The following SLC6A4 variants were observed in gnomAD, a reference collection of about 807,000 sequenced individuals.
The protein encoded by SLC6A4 is solute carrier family 6 member 4.
In SLC6A4, 22 loss-of-function variants were observed where a neutral mutation model predicts 73.4. The ratio of observed to expected loss-of-function variants is 0.30; its 90% CI spans 0.21 to 0.43. SLC6A4 has a LOEUF of 0.43. Ranked by LOEUF, SLC6A4 falls within the 20% of genes least tolerant of loss-of-function variation. The pLI is 1.00. For synonymous variants in SLC6A4, 270 were observed against 315.5 expected (o/e 0.86, Z 1.53); for missense variants, 593 against 808.5 (o/e 0.73, Z 3.23).
chr17:30,215,460 G>C (rs752597560), intron 8 of SLC6A4, 151 bp downstream of exon 8: 41 of 676,646 alleles, frequency 6.1e-5, no homozygotes, highest in Non-Finnish European at 1.0e-4. Context: ...TGGGTGAGCT[G>C]GTCAGGGGCC....
intron 8 of SLC6A4, among the ~76,000 whole-genome samples, chr17:30,214,634 C>CTTTTTTTTTTT (rs753290326): frequency 2.3e-5 from 3 of 132,360 alleles, no homozygotes; most frequent in Admixed American, 7.6e-5. Flanking sequence ...TTCTTTCTTT[C>CTTTTTTTTTTT]TTTTTTTTTT....
intron 1 of SLC6A4, among the ~76,000 whole-genome samples, chr17:30,225,796 C>G (rs1906907391): frequency 6.6e-6 from 1 of 152,194 alleles, no homozygotes; most frequent in South Asian, 2.1e-4. Context: ...TGCAGTTGAC[C>G]AGCCAATGGG....
chr17:30,198,360 T>C lies in SLC6A4; in HGVS notation c.*96A>G. Reference sequence around the variant, plus strand: ...AGGCCCTTCCATCATCAGGCTTAGCTGGAAACTCATTCACTTGGAGGGGAG... The same window carrying C: ...AGGCCCTTCCATCATCAGGCTTAGCCGGAAACTCATTCACTTGGAGGGGAG... On this transcript the variant is annotated 3_prime_UTR_variant, in exon 15 of 15. Transcript: ENST00000650711. The C allele has an allele frequency of 1.4e-6, 1 of 725,062 alleles. No homozygotes were observed. Among genetic ancestry groups the C allele is most frequent in the African/African-American group, 1.8e-5 (1 of 55,836 alleles). 44.9% of individuals were successfully genotyped at this position (725,062 alleles called of 1,614,324 possible).
chr17:30,203,121 A>G, intron 14 of SLC6A4, 51 bp downstream of exon 14: 1 of 1,449,684 alleles, frequency 6.9e-7, no homozygotes, highest in Non-Finnish European at 9.6e-7. Flanking sequence ...CTTTTCTCCC[A>G]AAACAATTAG....
intron 1 of SLC6A4, among the ~76,000 whole-genome samples, chr17:30,226,615 G>A (rs1906931390): frequency 6.6e-6 from 1 of 152,176 alleles, no homozygotes; most frequent in South Asian, 2.1e-4. Flanking sequence ...CAGGAGAATT[G>A]CCTGAACCCA....
chr17:30,199,734 G>A (rs539389696), intron 14 of SLC6A4, among the ~76,000 whole-genome samples: 2 of 152,108 alleles, frequency 1.3e-5, no homozygotes, highest in Non-Finnish European at 2.9e-5. Flanking sequence ...TTAAAAAGGA[G>A]TCATCCGTTT....
intron 13 of SLC6A4, among the ~76,000 whole-genome samples, chr17:30,207,513 G>C (rs35659820): frequency 0.35 from 53,384 of 151,906 alleles, 11,917 homozygotes; most frequent in East Asian, 0.82. Flanking sequence ...TCAGCTTCCT[G>C]AGTAGCTGGG....
At position 30,222,763 on chromosome 17, in the gene SLC6A4, C is replaced by A. The variant is rs143344133; in HGVS notation, c.-124+56G>T. ...AGTCTATCTGCACATGGCCTTTCTG[C>A]GTTCCCATTATGCATTTGCAAGCCC... is the stretch of plus-strand genomic sequence containing the variant. On this transcript the variant is annotated intron_variant, in intron 2 of 14. Transcript: ENST00000650711. 12 of 1,293,504 alleles carry A rather than the reference C, an allele frequency of 9.3e-6. No individual in the cohort carries two copies. In the African/African-American group the frequency reaches 1.7e-4, roughly 18 times the overall value. The allele number at this position is 1,293,504 out of a possible 1,614,324, so 80.1% of individuals were successfully genotyped here.
intron 12 of SLC6A4, 76 bp from the exon 13 acceptor site, chr17:30,207,908 G>A: frequency 1.8e-6 from 2 of 1,086,956 alleles, no homozygotes; most frequent in East Asian, 2.5e-5. Context: ...TGATTCTCTG[G>A]GAGAGTCAGA....
At position 30,215,782 on chromosome 17, in the gene SLC6A4, G is replaced by A. The variant is rs1906553216; in HGVS notation, c.973-68C>T. The A allele has an allele frequency of 1.7e-5, 23 of 1,379,400 alleles. 1 individual carries two copies. The South Asian group carries it at 2.7e-4, about 16-fold the overall frequency. 85.4% of individuals were successfully genotyped at this position (1,379,400 alleles called of 1,614,324 possible). The stretch of plus-strand genomic sequence containing the variant: ...ACAGGCTTACCCTGGCACCAACAGG[G>A]TCGCCACTCCTGCCTCCATGTGGCT... On this transcript the variant is annotated intron_variant, in intron 7 of 14. Coordinates refer to ENST00000650711, the MANE Select transcript of SLC6A4 (RefSeq NM_001045.6).
At chr17:30,210,921 A>T (rs1906366088) in intron 10 of SLC6A4, among the ~76,000 whole-genome samples, 1 of 152,140 alleles carries the variant, frequency 6.6e-6, no homozygotes, top group Non-Finnish European at 1.5e-5. Context: ...CTCCGTTTGC[A>T]CCAGAAAGGC....
intron 3 of SLC6A4, among the ~76,000 whole-genome samples, chr17:30,220,923 A>G (rs1033156549): frequency 4.7e-5 from 7 of 150,504 alleles, no homozygotes; most frequent in Non-Finnish European, 8.9e-5. Flanking sequence ...CACAACCCGG[A>G]GAGCCTCAGA....
chr17:30,218,650 G>A (rs951127477), intron 4 of SLC6A4, 147 bp downstream of exon 4: 11 of 781,350 alleles, frequency 1.4e-5, no homozygotes, highest in South Asian at 6.7e-5. Flanking sequence ...CACCACTTAC[G>A]CAGTCAAAAC....
At chr17:30,219,473 A>T (rs923666263) in intron 3 of SLC6A4, among the ~76,000 whole-genome samples, 4 of 152,208 alleles carry the variant, frequency 2.6e-5, no homozygotes, top group African/African-American at 9.6e-5. Context: ...GACAATCTGT[A>T]GCAACAGCTG....
intron 5 of SLC6A4, 88 bp from the exon 6 acceptor site, chr17:30,217,392 G>T: frequency 7.6e-7 from 1 of 1,308,190 alleles, no homozygotes; most frequent in Non-Finnish European, 1.1e-6. Context: ...GGGTGCCCGG[G>T]ACAAATGGAC....
At position 30,217,313 on chromosome 17, in the gene SLC6A4, A is replaced by T; in HGVS notation, c.699-9T>A. The stretch of plus-strand genomic sequence containing the variant: ...TCTGCAGGACGTGGCGCCTGGGGTG[A>T]AGGAGAAAGAAAGGCCCCTGAGAGG... On this transcript the variant is annotated splice_polypyrimidine_tract_variant and intron_variant, in intron 5 of 14. Transcript: ENST00000650711. 6.2e-7 allele frequency: 1 copy of T among 1,612,116 alleles called. No individual in the cohort carries two copies. The highest frequency in any genetic ancestry group is 2.2e-5 in the East Asian group (1 of 44,864).
At chr17:30,220,421 T>C in intron 3 of SLC6A4, among the ~76,000 whole-genome samples, 1 of 152,304 alleles carries the variant, frequency 6.6e-6, no homozygotes, top group East Asian at 1.9e-4. Flanking sequence ...CTACTATTTT[T>C]TATAATCTAC....
intron 14 of SLC6A4, among the ~76,000 whole-genome samples, chr17:30,199,948 G>A (rs1330385762): frequency 6.6e-6 from 1 of 151,680 alleles, no homozygotes; most frequent in Non-Finnish European, 1.5e-5. Context: ...GCCCAGGCTG[G>A]AGTGCAGTGG....
At position 30,230,122 on chromosome 17, in the gene SLC6A4, A is replaced by AGAGGAG. The variant is rs111715707; in HGVS notation, c.-221+5485_-221+5490dup. On this transcript the variant is annotated intron_variant, in intron 1 of 14. Coordinates refer to ENST00000650711, the MANE Select transcript of SLC6A4 (RefSeq NM_001045.6). ...AGGAGGAAGAGGAAGAGGAAGAGGA[A>AGAGGAG]GAGGAGGAGGAGGAGGAGGAGGAGG... Among the ~76,000 whole-genome samples, 117 of 123,620 alleles carry AGAGGAG rather than the reference A, an allele frequency of 9.5e-4. 1 individual carries two copies. Among genetic ancestry groups the AGAGGAG allele is most frequent in the African/African-American group, 2.9e-3 (92 of 32,108 alleles). The allele number at this position is 123,620 out of a possible 152,430, so 81.1% of individuals were successfully genotyped here. A position where few individuals can be genotyped will look rare whatever the true frequency, so the allele number is the denominator to read the frequency against.
Sources: allele counts gnomAD v4.1 joint callset (sites outside exome capture counted in the v4.1 genomes callset), GRCh38; gene constraint gnomAD v4.1.1; transcripts MANE v1.5; gene names NCBI Gene and HGNC (gene_info 2026-07-23, HGNC 2026-07-21).